The following ZNG1E variants were observed in gnomAD, a reference collection of about 807,000 sequenced individuals.
The protein encoded by ZNG1E is zinc-regulated GTPase metalloprotein activator 1E.
chr9:65,713,428 TTGA>T, the ZNG1E span, among the ~76,000 whole-genome samples: 1 of 128,208 alleles, frequency 7.8e-6, no homozygotes, highest in Non-Finnish European at 1.6e-5. Context: ...TGCTCGTTAG[TTGA>T]TGCAGTTTCT....
the ZNG1E span, among the ~76,000 whole-genome samples, chr9:65,672,171 C>G: frequency 6.7e-6 from 1 of 149,092 alleles, no homozygotes; most frequent in Non-Finnish European, 1.5e-5. Context: ...AATGGGCACA[C>G]AAATAGTATT....
chr9:65,659,714 C>T, the ZNG1E span, among the ~76,000 whole-genome samples: 3 of 152,308 alleles, frequency 2.0e-5, no homozygotes, highest in East Asian at 5.8e-4. Flanking sequence ...GCCTTCTCTG[C>T]ACTCTCACCC....
At chr9:65,727,429 A>C in the ZNG1E span, among the ~76,000 whole-genome samples, 1 of 136,812 alleles carries the variant, frequency 7.3e-6, no homozygotes, top group Non-Finnish European at 1.5e-5. Flanking sequence ...TAAATGGCCT[A>C]AATGCTCCAC....
the ZNG1E span, among the ~76,000 whole-genome samples, chr9:65,687,294 C>T: frequency 1.4e-5 from 2 of 142,382 alleles, no homozygotes; most frequent in Non-Finnish European, 3.0e-5. Flanking sequence ...TTTTGGTGCT[C>T]ATTACCAGTA....
the ZNG1E span, among the ~76,000 whole-genome samples, chr9:65,714,357 G>A: frequency 2.3e-3 from 354 of 151,006 alleles, 2 homozygotes; most frequent in African/African-American, 8.2e-3. Context: ...TTCTCAGCTC[G>A]TCAAAGTCAT....
At chr9:65,708,075 A>T in the ZNG1E span, 2 of 149,086 alleles carry the variant, frequency 1.3e-5, no homozygotes, top group African/African-American at 2.5e-5. Context: ...GTCCATGGCC[A>T]GGATGGTCTT....
At chr9:65,665,049 C>T in the ZNG1E span, among the ~76,000 whole-genome samples, 1 of 152,254 alleles carries the variant, frequency 6.6e-6, no homozygotes, top group African/African-American at 2.4e-5. Context: ...GGAAGCAGAG[C>T]ACAAAAGTTT....
chr9:65,681,034 C>T, the ZNG1E span, among the ~76,000 whole-genome samples: 4,418 of 149,374 alleles, frequency 0.03, 1 homozygote, highest in Non-Finnish European at 0.045. Flanking sequence ...GTGATCCGCC[C>T]GCCTTGGCCT....
At chr9:65,667,944 C>A in the ZNG1E span, among the ~76,000 whole-genome samples, 1 of 137,474 alleles carries the variant, frequency 7.3e-6, no homozygotes, top group Non-Finnish European at 1.6e-5. Flanking sequence ...TGCAGTGAGC[C>A]AAGACTGCAC....
chr9:65,675,602 T>C, the ZNG1E span, among the ~76,000 whole-genome samples: 1 of 149,184 alleles, frequency 6.7e-6, no homozygotes, highest in African/African-American at 2.6e-5. Flanking sequence ...GGTTACCCAC[T>C]CCAGATTTCC....
At chr9:65,667,352 T>G in the ZNG1E span, among the ~76,000 whole-genome samples, 3 of 152,364 alleles carry the variant, frequency 2.0e-5, no homozygotes, top group Admixed American at 1.3e-4. Flanking sequence ...ATGAGTTTGC[T>G]ATAAAAATAA....
chr9:65,710,536 G>A, the ZNG1E span, among the ~76,000 whole-genome samples: 2 of 152,042 alleles, frequency 1.3e-5, no homozygotes, highest in Admixed American at 1.3e-4. Flanking sequence ...TTTGTATAAG[G>A]TGTAAGGAAG....
chr9:65,714,305 C>T, the ZNG1E span, among the ~76,000 whole-genome samples: 63 of 151,282 alleles, frequency 4.2e-4, no homozygotes, highest in South Asian at 0.01. Context: ...GTTTGAATGT[C>T]CTCCCGTAGC....
chr9:65,684,226 T>C, the ZNG1E span, among the ~76,000 whole-genome samples: 2 of 151,982 alleles, frequency 1.3e-5, no homozygotes, highest in East Asian at 3.8e-4. Flanking sequence ...TGAAAAGTAA[T>C]CATCTCACTA....
the ZNG1E span, among the ~76,000 whole-genome samples, chr9:65,658,038 G>T: frequency 6.6e-6 from 1 of 151,900 alleles, no homozygotes; most frequent in Non-Finnish European, 1.5e-5. Context: ...GGCGGAGGTT[G>T]CAGTGAGCCG....
the ZNG1E span, among the ~76,000 whole-genome samples, chr9:65,728,192 A>T: frequency 1.4e-3 from 217 of 150,492 alleles, no homozygotes; most frequent in African/African-American, 5.2e-3. Context: ...AAATTCCTCA[A>T]ACTGAATGAC....
chr9:65,685,098 A>G, the ZNG1E span, among the ~76,000 whole-genome samples: 1 of 152,132 alleles, frequency 6.6e-6, no homozygotes, highest in Non-Finnish European at 1.5e-5. Context: ...TGTAGTCTAT[A>G]AAATGTGTAA....
the ZNG1E span, among the ~76,000 whole-genome samples, chr9:65,722,697 A>ATTTTTTTTTTTTTTTT: frequency 4.4e-3 from 37 of 8,402 alleles, 7 homozygotes; most frequent in African/African-American, 6.8e-3. Flanking sequence ...TGCCTAGCTA[A>ATTTTTTTTTTTTTTTT]TTTTTTTTTT....
the ZNG1E span, among the ~76,000 whole-genome samples, chr9:65,685,453 TC>T: frequency 6.6e-6 from 1 of 152,084 alleles, no homozygotes; most frequent in African/African-American, 2.4e-5. Flanking sequence ...TAAGCTTCTG[TC>T]ATATTTTAAA....
Sources: allele counts gnomAD v4.1 joint callset (sites outside exome capture counted in the v4.1 genomes callset), GRCh38; gene constraint gnomAD v4.1.1; transcripts MANE v1.5; gene names NCBI Gene and HGNC (gene_info 2026-07-23, HGNC 2026-07-21).